CEP350: variants seen among roughly 807,000 people sequenced by gnomAD.
CEP350 encodes the protein centrosomal protein 350, also known as centrosome-associated protein 350.
A neutral mutation model predicts 331.8 loss-of-function variants in CEP350; 126 were observed. That is an observed-to-expected ratio of 0.38 (90% CI 0.33 to 0.44). CEP350 has a LOEUF of 0.44. Among genes scored for constraint, CEP350 ranks in the 20% least tolerant of loss-of-function variants. The pLI is 1.00. For missense variants in CEP350, 3,406 were observed against 3,634.6 expected, an observed-to-expected ratio of 0.94 and a Z score of 1.62; for synonymous variants, 1,200 against 1,259.5, an observed-to-expected ratio of 0.95 and a Z score of 1.00.
At chr1:180,054,366 A>T in intron 24 of CEP350, 49 bp from the exon 25 acceptor site, 1 of 1,394,944 alleles carries the variant, frequency 7.2e-7, no homozygotes, top group Non-Finnish European at 1.0e-6. Context: ...TTATTCAGGT[A>T]AGAGAAATTT....
At position 179,979,812 on chromosome 1, in the gene CEP350, A is replaced by G. The variant is rs368403111; in HGVS notation, c.-13-6357A>G. Among the ~76,000 whole-genome samples, 112 of 152,108 alleles carry G rather than the reference A, an allele frequency of 7.4e-4. 2 individuals carry two copies. In the South Asian group the frequency reaches 0.022, roughly 30 times the overall value. ...CTATTTATTGAAGAGACTATCCCCAATGAATGTTCTTGGCACCATTGTAAA... is the reference window on the plus strand; with the variant it reads ...CTATTTATTGAAGAGACTATCCCCAGTGAATGTTCTTGGCACCATTGTAAA... On this transcript the variant is annotated intron_variant, in intron 1 of 37. Coordinates refer to ENST00000367607, the MANE Select transcript of CEP350 (RefSeq NM_014810.5).
intron 6 of CEP350, among the ~76,000 whole-genome samples, chr1:179,998,889 G>GA (rs112832026): frequency 0.14 from 21,286 of 151,986 alleles, 1,580 homozygotes; most frequent in African/African-American, 0.17. Flanking sequence ...TAATTTGTGA[G>GA]AAATTGTGAT....
intron 17 of CEP350, 97 bp from the exon 18 acceptor site, chr1:180,041,041 A>G: frequency 1.1e-6 from 1 of 869,938 alleles, no homozygotes; most frequent in Non-Finnish European, 1.8e-6. Context: ...AGTTGCTTCA[A>G]ATGATTTGTA....
At chr1:180,068,534 C>A (rs1433471840) in intron 27 of CEP350, among the ~76,000 whole-genome samples, 1 of 152,036 alleles carries the variant, frequency 6.6e-6, no homozygotes, top group Non-Finnish European at 1.5e-5. Context: ...AAGTGGATTG[C>A]CTATAAACAT....
At chr1:179,988,234 C>T (rs536163110) in intron 3 of CEP350, among the ~76,000 whole-genome samples, 91 of 150,958 alleles carry the variant, frequency 6.0e-4, no homozygotes, top group African/African-American at 2.1e-3. Context: ...GAGCTCAAGA[C>T]TGCAGTGAGC....
At chr1:179,984,517 G>A (rs1323008013) in intron 1 of CEP350, among the ~76,000 whole-genome samples, 1 of 152,152 alleles carries the variant, frequency 6.6e-6, no homozygotes, top group Non-Finnish European at 1.5e-5. Context: ...TTAGGACATG[G>A]CACCTGTATC....
rs1651242732 is a variant in CEP350 at position 179,969,157 on chromosome 1, G to C, written c.-14+14015G>C. The C allele has an allele frequency of 7.9e-6, 5 of 635,814 alleles. No individual in the cohort carries two copies. The Admixed American group carries it at 9.4e-5, about 12-fold the overall frequency. 39.4% of individuals were successfully genotyped at this position (635,814 alleles called of 1,614,324 possible). A position where few individuals can be genotyped will look rare whatever the true frequency, so the allele number is the denominator to read the frequency against. ...AAGCTCACTCAGTGGGTTTGATATG[G>C]TGGGTGCTGGCCGGGGAAGTTCTGT... On this transcript the variant is annotated intron_variant, in intron 1 of 37. Transcript: ENST00000367607.
intron 27 of CEP350, among the ~76,000 whole-genome samples, chr1:180,069,071 A>C (rs1658724343): frequency 1.3e-5 from 2 of 152,174 alleles, no homozygotes; most frequent in Admixed American, 6.5e-5. Context: ...ATACTGTTGA[A>C]TTAGTAAGTA....
At position 180,087,627 on chromosome 1, in the gene CEP350, T is replaced by G; in HGVS notation, c.6335T>G (p.Leu2112Trp). 1 of 1,554,188 alleles carries G rather than the reference T, an allele frequency of 6.4e-7. No homozygotes were observed. Among genetic ancestry groups the G allele is most frequent in the Non-Finnish European group, 8.7e-7 (1 of 1,147,516 alleles). The change falls in exon 32 of 38, where the codon TTG (leucine) becomes TGG (tryptophan). Residue 2112 changes from leucine (L) to tryptophan (W), a missense_variant. Physicochemically the swap from Leu to Trp is moderately conservative, Grantham distance 61. Coordinates refer to ENST00000367607, the MANE Select transcript of CEP350 (RefSeq NM_014810.5). ...KKTEAELSQD[L>W]ETSPTAKPQI... ...ACTGAAGCCGAGCTTAGCCAAGATT[T>G]GGAAACATCACCAACAGCCAAGCCT...
At chr1:180,095,961 T>C (rs1275609770) in intron 35 of CEP350, 31 bp downstream of exon 35, 1 of 1,577,282 alleles carries the variant, frequency 6.3e-7, no homozygotes. Flanking sequence ...ATTTTAGTTT[T>C]TAAACTTTTC....
Position 180,098,866 on chromosome 1 carries a change from TTC to T in CEP350, c.9071_9072del (p.Phe3024TyrfsTer4). 1 of 1,612,890 alleles carries T rather than the reference TTC, an allele frequency of 6.2e-7. No individual in the cohort carries two copies. The highest frequency in any genetic ancestry group is 2.2e-5 in the East Asian group (1 of 44,826). Reference sequence around the variant, plus strand: ...TGTATTTGTCTTGTTTCCACAGAGCTTCATAGCAAGTGAAGTACTCAAGTTGT... The same window carrying T: ...TGTATTTGTCTTGTTTCCACAGAGCTATAGCAAGTGAAGTACTCAAGTTGT... ...NPNNLDEIKS[F>X]IASEVLKLFS... is the part of the protein sequence containing the mutation. On this transcript the variant is annotated frameshift_variant, in exon 37 of 38. Transcript: ENST00000367607. LOFTEE classifies it high-confidence loss of function.
chr1:180,054,041 G>GTT (rs1657666075), intron 24 of CEP350, 107 bp downstream of exon 24: 1 of 846,146 alleles, frequency 1.2e-6, no homozygotes, highest in African/African-American at 1.7e-5. Context: ...GAGCAGCCCA[G>GTT]TTTCTCAAGC....
Position 179,997,121 on chromosome 1 carries a change from G to A in CEP350, c.964G>A (p.Val322Ile), listed in dbSNP as rs1380127382. 1.9e-6 allele frequency: 3 copies of A among 1,613,942 alleles called. No individual in the cohort carries two copies. The highest frequency in any genetic ancestry group is 1.7e-6 in the Non-Finnish European group (2 of 1,179,844). ...AATGGTTGTTAATGTTGATAACTCA[G>A]TAACAGCAAAAGTCAGAAAAGTGGC... Reference protein sequence around the residue: ...PVMVVNVDNSVTAKVRKVATA... With the variant: ...PVMVVNVDNSITAKVRKVATA... The change falls in exon 6 of 38, where the codon GTA (valine) becomes ATA (isoleucine). Residue 322 changes from valine (V) to isoleucine (I), a missense_variant. By Grantham distance (29) the Val-to-Ile change is conservative. This residue lies in a region of CEP350 where 1,857 missense variants were observed against 1,909.2 expected (regional missense o/e 0.97). Transcript: ENST00000367607.
chr1:180,079,955 C>A (rs1217521250), intron 29 of CEP350, among the ~76,000 whole-genome samples: 2 of 152,168 alleles, frequency 1.3e-5, no homozygotes, highest in Non-Finnish European at 2.9e-5. Context: ...TTAACCCTCG[C>A]AAGAATCCTA....
intron 25 of CEP350, among the ~76,000 whole-genome samples, chr1:180,060,846 A>G (rs1427934887): frequency 1.3e-5 from 2 of 152,138 alleles, no homozygotes; most frequent in East Asian, 1.9e-4. Context: ...ACCAAATAGT[A>G]TATCTTTTTT....
At position 179,992,604 on chromosome 1, in the gene CEP350, TC is replaced by T. The variant is rs1472785582; in HGVS notation, c.395+384del. Among the ~76,000 whole-genome samples, 3 of 152,174 alleles carry T rather than the reference TC, an allele frequency of 2.0e-5. 1 individual carries two copies. The South Asian group carries it at 6.2e-4, about 32-fold the overall frequency. ...TGAACTTTATATTGCTTACTTTTTT[TC>T]TTTTTTTTTGGGTAGCATTAATTAG... On this transcript the variant is annotated intron_variant, in intron 5 of 37. Transcript: ENST00000367607.
At position 180,108,862 on chromosome 1, in the gene CEP350, T is replaced by C. The variant is rs190226281; in HGVS notation, c.9190-2135T>C. 1.5e-4 allele frequency among the ~76,000 whole-genome samples: 23 copies of C among 152,336 alleles called. No individual in the cohort carries two copies. The East Asian group carries it at 4.2e-3, about 28-fold the overall frequency. On this transcript the variant is annotated intron_variant, in intron 37 of 37. Coordinates refer to ENST00000367607, the MANE Select transcript of CEP350 (RefSeq NM_014810.5). Reference sequence around the variant, plus strand: ...AGTTCTCCAAAACTTTATTTGGCCATAGAACCCTTTTTGGTGGTACATTAG... The same window carrying C: ...AGTTCTCCAAAACTTTATTTGGCCACAGAACCCTTTTTGGTGGTACATTAG...
intron 1 of CEP350, among the ~76,000 whole-genome samples, chr1:179,955,355 G>T (rs985383611): frequency 6.6e-6 from 1 of 152,170 alleles, no homozygotes; most frequent in Non-Finnish European, 1.5e-5. Flanking sequence ...TGCTGAAGAC[G>T]GAATTTCCTT....
chr1:180,092,645 A>G lies in CEP350; in HGVS notation c.6540A>G (p.Val2180=). The G allele has an allele frequency of 1.2e-6, 2 of 1,604,340 alleles. No individual in the cohort carries two copies. The highest frequency in any genetic ancestry group is 1.7e-6 in the Non-Finnish European group (2 of 1,175,436). The part of the protein sequence containing the change: ...DASLSGSERS[V]SERSLSAYAK... ...CACTGTCTGGTTCTGAGAGATCAGT[A>G]TCAGAAAGGTCTTTATCTGCATATG... Residue 2180 remains valine (V), a synonymous_variant, in exon 34 of 38, where the codon GTA becomes GTG. Coordinates refer to ENST00000367607, the MANE Select transcript of CEP350 (RefSeq NM_014810.5).
Sources: allele counts gnomAD v4.1 joint callset (sites outside exome capture counted in the v4.1 genomes callset), GRCh38; gene constraint gnomAD v4.1.1; regional missense constraint gnomAD v4.1.1; transcripts MANE v1.5; gene names NCBI Gene and HGNC (gene_info 2026-07-23, HGNC 2026-07-21).